Variants in RIMBP2 observed in about 807,000 individuals in gnomAD.
RIMBP2 encodes the protein RIMS binding protein 2, also known as RIMS-binding protein 2.
RIMBP2 carries 48 observed loss-of-function variants against 118.6 expected under a neutral mutation model. The observed-to-expected ratio is 0.40, with a 90% CI of 0.32 to 0.51. RIMBP2 has a LOEUF of 0.51. Ranked by LOEUF, RIMBP2 falls within the 20% of genes least tolerant of loss-of-function variation. RIMBP2 has a pLI of 0.41. For missense variants in RIMBP2, 1,551 were observed against 1,768.3 expected (o/e 0.88, Z 2.20); for synonymous variants, 762 against 742.9 (o/e 1.03, Z -0.42).
chr12:130,562,204 T>C (rs1233747056), intron 2 of RIMBP2, among the ~76,000 whole-genome samples: 2 of 152,240 alleles, frequency 1.3e-5, no homozygotes, highest in Admixed American at 1.3e-4. Context: ...TTTTATTAAC[T>C]TACTTCAAAG....
chr12:130,535,722 T>TAC (rs2053964843), intron 2 of RIMBP2, among the ~76,000 whole-genome samples: 4 of 73,582 alleles, frequency 5.4e-5, no homozygotes, highest in Non-Finnish European at 8.8e-5. Flanking sequence ...CATATACATA[T>TAC]ATATACATAT....
At chr12:130,546,097 CTTTTT>C (rs56407634) in intron 2 of RIMBP2, among the ~76,000 whole-genome samples, 3 of 103,536 alleles carry the variant, frequency 2.9e-5, no homozygotes, top group Non-Finnish European at 5.4e-5. Flanking sequence ...ATCACTGCTT[CTTTTT>C]TTTTTTTTTT....
chr12:130,664,465 A>ACG (rs1555320961), intron 1 of RIMBP2, among the ~76,000 whole-genome samples: 2 of 122,632 alleles, frequency 1.6e-5, no homozygotes, highest in Admixed American at 8.5e-5. Flanking sequence ...ATGCACGCAC[A>ACG]CACACGCACG....
intron 2 of RIMBP2, among the ~76,000 whole-genome samples, chr12:130,550,119 G>A (rs1174028592): frequency 6.6e-6 from 1 of 152,154 alleles, no homozygotes; most frequent in African/African-American, 2.4e-5. Flanking sequence ...TGAAAACAAA[G>A]GGTAGTTATC....
intron 1 of RIMBP2, chr12:130,668,201 T>A (rs60876022): frequency 0.093 from 14,160 of 152,204 alleles, 813 homozygotes; most frequent in East Asian, 0.27. Flanking sequence ...GTGTCACAAT[T>A]GCATTGAGAG....
intron 3 of RIMBP2, among the ~76,000 whole-genome samples, chr12:130,507,567 CA>C (rs1386912716): frequency 2.6e-5 from 4 of 152,104 alleles, no homozygotes; most frequent in Non-Finnish European, 4.4e-5. Flanking sequence ...CCAATAAACC[CA>C]AAAACCACAT....
chr12:130,414,494 C>T, intron 17 of RIMBP2, 188 bp from the exon 18 acceptor site: 2 of 532,966 alleles, frequency 3.8e-6, no homozygotes, highest in South Asian at 2.4e-5. Flanking sequence ...AGCACATAAC[C>T]ACAGCCACAC....
rs968089401 is a variant in RIMBP2, at chr12:130,710,396, AT to A, written c.-352+5825del. Among the ~76,000 whole-genome samples the A allele has an allele frequency of 1.2e-4, 18 of 151,978 alleles. No homozygotes were observed. The highest frequency in any genetic ancestry group is 3.9e-4 in the African/African-American group (16 of 41,344). ...GCTGTCTCTGGTGTAGTGATTATTC[AT>A]TCACTTGCCCGTTGTCTTACACATG... On this transcript the variant is annotated intron_variant, in intron 1 of 22. Transcript: ENST00000690449. The surrounding 1 kb of genome is among the most constrained non-coding windows in gnomAD (Gnocchi z 4.3).
chr12:130,438,335 A>ACCGGGGGCCCCCCC, intron 12 of RIMBP2, 30 bp downstream of exon 12: 1 of 865,014 alleles, frequency 1.2e-6, no homozygotes, highest in Non-Finnish European at 1.9e-6. Flanking sequence ...GGCCTAACAA[A>ACCGGGGGCCCCCCC]CCCTCCCCAC....
chr12:130,556,765 A>C (rs2056395612), intron 2 of RIMBP2, among the ~76,000 whole-genome samples: 1 of 152,206 alleles, frequency 6.6e-6, no homozygotes, highest in Non-Finnish European at 1.5e-5. Context: ...AGACAGCTAG[A>C]GCCCAAGTAT....
chr12:130,519,988 G>A (rs2051907236), intron 2 of RIMBP2, among the ~76,000 whole-genome samples: 1 of 152,144 alleles, frequency 6.6e-6, no homozygotes, highest in South Asian at 2.1e-4. Flanking sequence ...GCATTGCAAT[G>A]ACTGCCTGCC....
At chr12:130,535,625 CTATA>C (rs1178057049) in intron 2 of RIMBP2, among the ~76,000 whole-genome samples, 2 of 150,612 alleles carry the variant, frequency 1.3e-5, no homozygotes, top group Admixed American at 6.6e-5. Context: ...ACAGCTCTCT[CTATA>C]TATATACACA....
chr12:130,512,655 C>T (rs959077252), intron 3 of RIMBP2, among the ~76,000 whole-genome samples: 8 of 152,194 alleles, frequency 5.3e-5, no homozygotes, highest in Admixed American at 5.2e-4. Context: ...TGGACTAGAA[C>T]AGTCTCCTGG....
At chr12:130,638,429 A>G (rs1255933381) in intron 1 of RIMBP2, among the ~76,000 whole-genome samples, 1 of 152,212 alleles carries the variant, frequency 6.6e-6, no homozygotes, top group East Asian at 1.9e-4. Flanking sequence ...CGAAGCCCCG[A>G]GCTGCGGGCT....
intron 1 of RIMBP2, among the ~76,000 whole-genome samples, chr12:130,644,044 T>A (rs1439250695): frequency 6.6e-6 from 1 of 152,158 alleles, no homozygotes; most frequent in Non-Finnish European, 1.5e-5. Context: ...AGGCAGGAGC[T>A]GGAGCCCAGG....
chr12:130,558,193 C>T (rs2139839252), intron 2 of RIMBP2, among the ~76,000 whole-genome samples: 1 of 152,222 alleles, frequency 6.6e-6, no homozygotes, highest in Non-Finnish European at 1.5e-5. Flanking sequence ...TGGGGTCATT[C>T]TTGCCGGTTT....
intron 1 of RIMBP2, among the ~76,000 whole-genome samples, chr12:130,639,485 C>T (rs2062510803): frequency 1.7e-5 from 1 of 58,076 alleles, no homozygotes. Flanking sequence ...AAGATCCTGC[C>T]TCAAAAAAAA....
intron 1 of RIMBP2, among the ~76,000 whole-genome samples, chr12:130,711,412 T>C (rs1227499081): frequency 6.6e-6 from 1 of 152,252 alleles, no homozygotes; most frequent in South Asian, 2.1e-4. Context: ...TAGAATGTGG[T>C]GTCTGTGACC....
chr12:130,418,753 C>T (rs142136575), intron 17 of RIMBP2, among the ~76,000 whole-genome samples: 3 of 152,132 alleles, frequency 2.0e-5, no homozygotes, highest in Non-Finnish European at 2.9e-5. Context: ...CTATAGCCTA[C>T]GTAAGAGTGC....
Sources: gnomAD v4.1 joint callset for allele counts (sites outside exome capture counted in the v4.1 genomes callset) on GRCh38, gnomAD v4.1.1 for gene constraint, Gnocchi (gnomAD v3.1) non-coding constraint, MANE v1.5 for transcripts, NCBI Gene and HGNC (gene_info 2026-07-23, HGNC 2026-07-21) for gene names.